RPGRIP1: variants seen among roughly 807,000 people sequenced by gnomAD.
RPGRIP1 encodes the protein X-linked retinitis pigmentosa GTPase regulator-interacting protein 1.
A neutral mutation model predicts 157.9 loss-of-function variants in RPGRIP1; 128 were observed. That is an observed-to-expected ratio of 0.81 (90% CI 0.70 to 0.94). The LOEUF (loss-of-function observed/expected upper bound fraction) is 0.94, where lower values mean the gene tolerates loss of function less well. Ranked by LOEUF, RPGRIP1 falls within the 40% of genes least tolerant of loss-of-function variation. RPGRIP1 has a pLI of 0.00. For missense variants in RPGRIP1, 1,486 were observed against 1,545.8 expected (o/e 0.96, Z 0.65); for synonymous variants, 554 against 571.6 (o/e 0.97, Z 0.44).
intron 4 of RPGRIP1, among the ~76,000 whole-genome samples, chr14:21,302,097 G>A (rs1357761884): frequency 1.3e-5 from 2 of 152,016 alleles, no homozygotes; most frequent in African/African-American, 2.4e-5. Context: ...ACAACCAAAC[G>A]CATGCAAAAA....
At chr14:21,350,339 G>A (rs1363748706) in intron 24 of RPGRIP1, among the ~76,000 whole-genome samples, 1 of 143,596 alleles carries the variant, frequency 7.0e-6, no homozygotes, top group Non-Finnish European at 1.5e-5. Context: ...TCAAGTCACC[G>A]CACTCCAGCC....
chr14:21,293,845 C>A (rs1317286018), intron 2 of RPGRIP1, among the ~76,000 whole-genome samples: 1 of 151,624 alleles, frequency 6.6e-6, no homozygotes, highest in Non-Finnish European at 1.5e-5. Flanking sequence ...CGCCACTGCA[C>A]TCCAGCCTGG....
chr14:21,338,966 C>A (rs774632907), intron 21 of RPGRIP1, among the ~76,000 whole-genome samples: 12 of 151,998 alleles, frequency 7.9e-5, no homozygotes, highest in Middle Eastern at 3.4e-3. Context: ...TGGTGAAACC[C>A]TGTCTACAAA....
At chr14:21,295,161 G>A (rs1880715187) in intron 3 of RPGRIP1, among the ~76,000 whole-genome samples, 1 of 151,888 alleles carries the variant, frequency 6.6e-6, no homozygotes, top group African/African-American at 2.4e-5. Flanking sequence ...AATTTTTGAA[G>A]CAATATTTCT....
chr14:21,311,232 A>C (rs756836405), intron 8 of RPGRIP1, among the ~76,000 whole-genome samples: 2 of 152,232 alleles, frequency 1.3e-5, no homozygotes, highest in Non-Finnish European at 2.9e-5. Flanking sequence ...ATTTAAAGCT[A>C]GGGATTAATT....
chr14:21,301,725 A>AATAATAATAATAAT (rs59227988), intron 4 of RPGRIP1, among the ~76,000 whole-genome samples: 1 of 87,436 alleles, frequency 1.1e-5, no homozygotes, highest in Non-Finnish European at 2.3e-5. Flanking sequence ...ATAATAATAA[A>AATAATAATAATAAT]AAATTAGCCA....
rs1026552521 is a variant in RPGRIP1 at position 21,290,736 on chromosome 14, G to A, written c.85+2675G>A. Among the ~76,000 whole-genome samples, 7 of 151,646 alleles carry A rather than the reference G, an allele frequency of 4.6e-5. No homozygotes were observed. In the South Asian group the frequency reaches 6.2e-4, roughly 14 times the overall value. On this transcript the variant is annotated intron_variant, in intron 2 of 24. Transcript: ENST00000400017. ...TGGGAGGCTGAGGCAGGAGAATGGC[G>A]TGAACCCGGGAGGCGGTGCTTGCAG...
chr14:21,334,799 T>C (rs1884163410), intron 21 of RPGRIP1, 94 bp downstream of exon 21: 4 of 794,614 alleles, frequency 5.0e-6, no homozygotes, highest in African/African-American at 1.8e-5. Flanking sequence ...TCCCAGCACC[T>C]TGGGAGGCCG....
intron 21 of RPGRIP1, 25 bp downstream of exon 21, chr14:21,334,730 C>T (rs1324874152): frequency 1.4e-6 from 2 of 1,410,922 alleles, no homozygotes; most frequent in Non-Finnish European, 2.0e-6. Context: ...GTAATCATTG[C>T]ATACGAGATA....
At chr14:21,327,326 C>G (rs951581903) in intron 17 of RPGRIP1, among the ~76,000 whole-genome samples, 24 of 152,122 alleles carry the variant, frequency 1.6e-4, no homozygotes, top group Non-Finnish European at 4.4e-5. Flanking sequence ...AATAATGCAG[C>G]CTTGTTCATT....
chr14:21,308,120 C>G (rs534560845), intron 7 of RPGRIP1, among the ~76,000 whole-genome samples: 1 of 152,096 alleles, frequency 6.6e-6, no homozygotes, highest in Non-Finnish European at 1.5e-5. Context: ...CGGTCCCCTA[C>G]GAAGACCACA....
intron 2 of RPGRIP1, among the ~76,000 whole-genome samples, chr14:21,289,426 G>A (rs1462412549): frequency 1.3e-5 from 2 of 152,118 alleles, no homozygotes; most frequent in Non-Finnish European, 2.9e-5. Flanking sequence ...AGGATCACTT[G>A]AGCCCGGGAG....
In RPGRIP1 at chr14:21,300,977, C is replaced by T. The variant is rs754112261; in HGVS notation, c.230C>T (p.Thr77Ile). The change falls in exon 4 of 25, where the codon ACC becomes ATC. Residue 77 changes from threonine to isoleucine, a missense_variant. Coordinates refer to ENST00000400017, the MANE Select transcript of RPGRIP1 (RefSeq NM_020366.4). The part of the protein sequence containing the change: ...QQDEIKRLRT[T>I]LLRLTAAGRD... ...CTATTTGTCCACAGGCTGAGGACCACCTTGCTGCGGTTGACCGCTGCTGGC... is the reference window on the plus strand; with the variant it reads ...CTATTTGTCCACAGGCTGAGGACCATCTTGCTGCGGTTGACCGCTGCTGGC... 1 of 1,612,942 alleles carries T rather than the reference C, an allele frequency of 6.2e-7. No homozygotes were observed. Among genetic ancestry groups the T allele is most frequent in the Non-Finnish European group, 8.5e-7 (1 of 1,179,414 alleles).
chr14:21,333,965 C>T (rs1412489338), intron 20 of RPGRIP1, among the ~76,000 whole-genome samples: 2 of 150,506 alleles, frequency 1.3e-5, no homozygotes, highest in African/African-American at 4.9e-5. Context: ...TCTTGTCGCC[C>T]AGGCTGGAGT....
chr14:21,321,578 G>A (rs1349795088), intron 13 of RPGRIP1, 176 bp downstream of exon 13: 1 of 1,291,124 alleles, frequency 7.7e-7, no homozygotes, highest in Non-Finnish European at 1.0e-6. Flanking sequence ...CATGCCCACG[G>A]CACCTTGGCA....
At chr14:21,281,053 C>G (rs1880106780) in intron 1 of RPGRIP1, among the ~76,000 whole-genome samples, 1 of 150,172 alleles carries the variant, frequency 6.7e-6, no homozygotes, top group Non-Finnish European at 1.5e-5. Context: ...GAATCTCTCT[C>G]TCTCGTGAGG....
intron 2 of RPGRIP1, among the ~76,000 whole-genome samples, chr14:21,291,452 G>T (rs776779642): frequency 3.9e-5 from 6 of 151,902 alleles, no homozygotes; most frequent in Non-Finnish European, 7.4e-5. Flanking sequence ...TATCATAAAA[G>T]AAAAATAGAA....
In RPGRIP1 at chr14:21,317,771, A is replaced by T. The variant is rs769167612; in HGVS notation, c.1227A>T (p.Gln409His). ...TCATAGCGGAACAGCTACAGCAGCA[A>T]GTCTCTCAGCTGCAGGATCAGCTGG... ...NELIAEQLQQQVSQLQDQLDA... is the reference protein window; with the variant it reads ...NELIAEQLQQHVSQLQDQLDA... The change falls in exon 11 of 25, where the codon CAA becomes CAT. Residue 409 changes from glutamine (Q) to histidine (H), a missense_variant. Gln to His is a conservative substitution (Grantham distance 24). Coordinates refer to ENST00000400017, the MANE Select transcript of RPGRIP1 (RefSeq NM_020366.4). 1.3e-6 allele frequency: 2 copies of T among 1,598,962 alleles called. No individual in the cohort carries two copies. Among genetic ancestry groups the T allele is most frequent in the Admixed American group, 3.5e-5 (2 of 57,472 alleles).
chr14:21,307,413 C>T (rs962781921), intron 6 of RPGRIP1, among the ~76,000 whole-genome samples: 1 of 152,196 alleles, frequency 6.6e-6, no homozygotes, highest in Admixed American at 6.5e-5. Context: ...TCTAAGGAAA[C>T]GGCTGAGACC....
Sources: gnomAD v4.1 joint callset for allele counts (sites outside exome capture counted in the v4.1 genomes callset) on GRCh38, gnomAD v4.1.1 for gene constraint, MANE v1.5 for transcripts, NCBI Gene and HGNC (gene_info 2026-07-23, HGNC 2026-07-21) for gene names.